LSAMP: variants seen among roughly 807,000 people sequenced by gnomAD.
LSAMP encodes the protein limbic system-associated membrane protein.
A neutral mutation model predicts 38.6 loss-of-function variants in LSAMP; 7 were observed. The ratio of observed to expected loss-of-function variants is 0.18; its 90% CI spans 0.10 to 0.34. The LOEUF (loss-of-function observed/expected upper bound fraction) is 0.34, where lower values mean the gene tolerates loss of function less well. Ranked by LOEUF, LSAMP falls within the 10% of genes least tolerant of loss-of-function variation. LSAMP has a pLI of 1.00. For missense variants in LSAMP, 313 were observed against 420.0 expected, an observed-to-expected ratio of 0.75 and a Z score of 2.23; for synonymous variants, 154 against 166.8, an observed-to-expected ratio of 0.92 and a Z score of 0.59.
At chr3:115,876,862 C>G (rs1363907364) in intron 3 of LSAMP, among the ~76,000 whole-genome samples, 1 of 152,036 alleles carries the variant, frequency 6.6e-6, no homozygotes, top group African/African-American at 2.4e-5. Flanking sequence ...ACGGATAGTT[C>G]TTCATCATCA....
At chr3:116,411,374 C>T (rs1030838435) in intron 1 of LSAMP, among the ~76,000 whole-genome samples, 19 of 151,954 alleles carry the variant, frequency 1.3e-4, no homozygotes, top group Middle Eastern at 6.8e-3. Context: ...TTGGAACCAA[C>T]CCAAATGTCC....
At chr3:116,319,787 T>C (rs1195026052) in intron 1 of LSAMP, among the ~76,000 whole-genome samples, 1 of 148,356 alleles carries the variant, frequency 6.7e-6, no homozygotes, top group African/African-American at 2.6e-5. Context: ...TCCTCTAGAC[T>C]CAAAGTTTTT....
In LSAMP at chr3:116,273,087, T is replaced by C. The variant is rs78454447; in HGVS notation, c.155+171790A>G. On this transcript the variant is annotated intron_variant, in intron 1 of 6. Transcript: ENST00000490035. ...GCTCAAAGGTCATCACAGCACTTAA[T>C]AATTTCAGAAAGAGATAAGCAGGAC... is the stretch of plus-strand genomic sequence containing the variant. Among the ~76,000 whole-genome samples the C allele has an allele frequency of 1.1e-3, 167 of 152,254 alleles. 1 individual carries two copies. The highest frequency in any genetic ancestry group is 3.8e-3 in the African/African-American group (157 of 41,560).
chr3:115,875,991 A>C (rs1936170447), intron 3 of LSAMP, among the ~76,000 whole-genome samples: 2 of 151,996 alleles, frequency 1.3e-5, no homozygotes, highest in Non-Finnish European at 2.9e-5. Flanking sequence ...CAAACAGGTA[A>C]TTGATTTTTT....
At chr3:115,847,280 T>G (rs1935189908) in intron 4 of LSAMP, among the ~76,000 whole-genome samples, 1 of 152,098 alleles carries the variant, frequency 6.6e-6, no homozygotes, top group Non-Finnish European at 1.5e-5. Flanking sequence ...TGTGCAGTGG[T>G]ATAAAAAGCA....
chr3:115,845,690 T>G (rs1032474754), intron 4 of LSAMP, among the ~76,000 whole-genome samples: 1 of 152,220 alleles, frequency 6.6e-6, no homozygotes, highest in African/African-American at 2.4e-5. Flanking sequence ...TCGGCCACAC[T>G]AAGCTACTAT....
chr3:116,042,858 T>C (rs2107720070), intron 2 of LSAMP, among the ~76,000 whole-genome samples: 1 of 152,296 alleles, frequency 6.6e-6, no homozygotes, highest in Middle Eastern at 3.4e-3. Flanking sequence ...AGGTGGATAA[T>C]CTTTCAGTCA....
chr3:116,367,812 T>G (rs1340312023), intron 1 of LSAMP: 1 of 151,898 alleles, frequency 6.6e-6, no homozygotes, highest in Admixed American at 6.6e-5. Flanking sequence ...CCTGGCCGGT[T>G]TTTCTTCCTT....
chr3:115,866,389 C>T (rs1935859676), intron 3 of LSAMP, among the ~76,000 whole-genome samples: 1 of 152,154 alleles, frequency 6.6e-6, no homozygotes, highest in Non-Finnish European at 1.5e-5. Flanking sequence ...CTGGTATAAT[C>T]ACTAGATTTC....
intron 1 of LSAMP, among the ~76,000 whole-genome samples, chr3:116,108,549 G>C (rs1396212352): frequency 1.3e-5 from 2 of 152,138 alleles, no homozygotes; most frequent in South Asian, 2.1e-4. Context: ...GATGGTCTAC[G>C]GTGTTTCCGA....
intron 1 of LSAMP, among the ~76,000 whole-genome samples, chr3:116,320,405 T>C (rs745863193): frequency 2.6e-5 from 4 of 152,000 alleles, no homozygotes; most frequent in Admixed American, 6.6e-5. Context: ...AGAGCGAGGC[T>C]CTGTCTCAGA....
intron 2 of LSAMP, among the ~76,000 whole-genome samples, chr3:116,041,966 G>A (rs1393714580): frequency 3.3e-5 from 5 of 152,046 alleles, no homozygotes; most frequent in Non-Finnish European, 7.4e-5. Context: ...AGTAAACTAT[G>A]CTACTTATTT....
rs1284577280 is a variant in LSAMP at position 115,807,886 on chromosome 3, C to T, written c.*2431G>A. 1 of 152,122 alleles carries T rather than the reference C, an allele frequency of 6.6e-6. No homozygotes were observed. The highest frequency in any genetic ancestry group is 2.4e-5 in the African/African-American group (1 of 41,416). 9.4% of individuals were successfully genotyped at this position (152,122 alleles called of 1,614,324 possible). On this transcript the variant is annotated 3_prime_UTR_variant, in exon 7 of 7. Transcript: ENST00000490035. Reference sequence around the variant, plus strand: ...ACCTTCTTGGATGAGAATTTGTTTTCTCTCCTATGTCAGAATCTGCTATAA... The same window carrying T: ...ACCTTCTTGGATGAGAATTTGTTTTTTCTCCTATGTCAGAATCTGCTATAA...
At chr3:116,247,275 A>G (rs1422721091) in intron 1 of LSAMP, among the ~76,000 whole-genome samples, 1 of 152,148 alleles carries the variant, frequency 6.6e-6, no homozygotes, top group Non-Finnish European at 1.5e-5. Flanking sequence ...TCCACAATCA[A>G]TGACAGAGAA....
At chr3:115,936,588 C>T (rs1430580426) in intron 3 of LSAMP, among the ~76,000 whole-genome samples, 1 of 151,894 alleles carries the variant, frequency 6.6e-6, no homozygotes, top group Non-Finnish European at 1.5e-5. Flanking sequence ...ATCACTATTC[C>T]TGAGTTAAGG....
chr3:116,406,345 A>G (rs1408655815), intron 1 of LSAMP, among the ~76,000 whole-genome samples: 1 of 152,106 alleles, frequency 6.6e-6, no homozygotes, highest in Non-Finnish European at 1.5e-5. Flanking sequence ...TATACTACCC[A>G]GTATAGCTTG....
intron 3 of LSAMP, among the ~76,000 whole-genome samples, chr3:115,982,632 C>A (rs1034767025): frequency 1.3e-5 from 2 of 151,950 alleles, no homozygotes; most frequent in Non-Finnish European, 2.9e-5. Flanking sequence ...TCCCTTTTCC[C>A]CTGTATTGTA....
At chr3:116,052,044 T>C (rs73858507) in intron 2 of LSAMP, among the ~76,000 whole-genome samples, 2,480 of 152,218 alleles carry the variant, frequency 0.016, 59 homozygotes, top group African/African-American at 0.055. Flanking sequence ...GAAAATTGTA[T>C]AGTAGGGAGA....
intron 3 of LSAMP, among the ~76,000 whole-genome samples, chr3:115,962,909 C>T (rs1938676935): frequency 6.6e-6 from 1 of 152,164 alleles, no homozygotes; most frequent in South Asian, 2.1e-4. Flanking sequence ...CCTCTAATTC[C>T]ACTAATTAGG....
Sources: gnomAD v4.1 joint callset for allele counts (sites outside exome capture counted in the v4.1 genomes callset) on GRCh38, gnomAD v4.1.1 for gene constraint, MANE v1.5 for transcripts, NCBI Gene and HGNC (gene_info 2026-07-23, HGNC 2026-07-21) for gene names.